BCL2L1: variants seen among roughly 807,000 people sequenced by gnomAD.
The protein encoded by BCL2L1 is bcl-2-like protein 1.
BCL2L1 carries 1 observed loss-of-function variant against 18.7 expected under a neutral mutation model. The ratio of observed to expected loss-of-function variants is 0.05; its 90% confidence interval spans 0.02 to 0.25. BCL2L1 has a LOEUF of 0.25. Ranked by LOEUF, BCL2L1 falls within the 10% of genes least tolerant of loss-of-function variation. BCL2L1 has a pLI of 1.00. For missense variants in BCL2L1, 207 were observed against 304.9 expected (o/e 0.68, Z 2.39); for synonymous variants, 103 against 122.7 (o/e 0.84, Z 1.06).
At chr20:31,723,936 C>T (rs1474879466), upstream of BCL2L1, 4 of 985,440 alleles carry the variant, frequency 4.1e-6, no homozygotes, top group Non-Finnish European at 4.8e-6. Context: ...GGGGAACTTG[C>T]AAGCTCAGTC....
At chr20:31,723,900 C>A (rs560608019), upstream of BCL2L1, 2 of 985,446 alleles carry the variant, frequency 2.0e-6, no homozygotes, top group South Asian at 9.4e-5. Flanking sequence ...CCGAACAAGC[C>A]GGCCTCAGTT....
At chr20:31,700,202 T>C (rs748709785) in intron 2 of BCL2L1, among the ~76,000 whole-genome samples, 3 of 152,214 alleles carry the variant, frequency 2.0e-5, no homozygotes, top group Non-Finnish European at 4.4e-5. Flanking sequence ...GCCTGGCACA[T>C]AGTTGGTGCT....
intron 2 of BCL2L1, among the ~76,000 whole-genome samples, chr20:31,681,766 C>T (rs1456959968): frequency 6.6e-6 from 1 of 152,114 alleles, no homozygotes; most frequent in East Asian, 1.9e-4. Flanking sequence ...GAGAAGAGGC[C>T]CTTGGGGATT....
chr20:31,719,693 T>C (rs917901656), intron 2 of BCL2L1, among the ~76,000 whole-genome samples: 9 of 152,232 alleles, frequency 5.9e-5, no homozygotes, highest in African/African-American at 1.9e-4. Context: ...CCAGAGTTGC[T>C]GTGTCTAAGA....
In BCL2L1 at chr20:31,694,735, G is replaced by A. The variant is rs535815126; in HGVS notation, c.564+26920C>T. Among the ~76,000 whole-genome samples the A allele has an allele frequency of 3.7e-4, 56 of 152,208 alleles. 1 individual carries two copies. Among genetic ancestry groups the A allele is most frequent in the Admixed American group, 3.3e-3 (51 of 15,280 alleles). The stretch of plus-strand genomic sequence containing the variant: ...CCAACTGCCTATCATCTAGACAGTA[G>A]GCTTACATTGAAGGAAACTAAGGCT... On this transcript the variant is annotated intron_variant, in intron 2 of 2. Transcript: ENST00000307677.
chr20:31,720,547 C>G (rs1014128473), intron 2 of BCL2L1: 2 of 985,388 alleles, frequency 2.0e-6, no homozygotes, highest in Non-Finnish European at 2.4e-6. Flanking sequence ...AAGCTTTCAC[C>G]ACCATCTCAT....
At position 31,721,658 on chromosome 20, in the gene BCL2L1, G is replaced by A. The variant is rs1338856622; in HGVS notation, c.561C>T (p.Gly187=). 3 of 1,601,206 alleles carry A rather than the reference G, an allele frequency of 1.9e-6. No homozygotes were observed. The highest frequency in any genetic ancestry group is 2.6e-6 in the Non-Finnish European group (3 of 1,172,412). The change falls in exon 2 of 3, where the codon GGC becomes GGT. Residue 187 remains glycine (G), a synonymous_variant. Coordinates refer to ENST00000307677, the MANE Select transcript of BCL2L1 (RefSeq NM_138578.3). The part of the protein sequence containing the change: ...HLEPWIQENG[G]WDTFVELYGN... Reference sequence around the variant, plus strand: ...ACACAAGGGGCTTGGTTCTTACCCAGCCGCCGTTCTCCTGGATCCAAGGCT... The same window carrying A: ...ACACAAGGGGCTTGGTTCTTACCCAACCGCCGTTCTCCTGGATCCAAGGCT...
intron 2 of BCL2L1, among the ~76,000 whole-genome samples, chr20:31,715,864 C>T (rs2061526485): frequency 6.6e-6 from 1 of 152,120 alleles, no homozygotes; most frequent in Admixed American, 6.5e-5. Context: ...CAGGGTCTTG[C>T]TCTGTCACCC....
At chr20:31,700,243 T>C (rs192016503) in intron 2 of BCL2L1, among the ~76,000 whole-genome samples, 6 of 152,316 alleles carry the variant, frequency 3.9e-5, no homozygotes, top group Non-Finnish European at 7.3e-5. Flanking sequence ...GCCAAATGAA[T>C]AGCACCTGGG....
chr20:31,687,435 G>A (rs917451025), intron 2 of BCL2L1, among the ~76,000 whole-genome samples: 1 of 151,710 alleles, frequency 6.6e-6, no homozygotes, highest in Admixed American at 6.6e-5. Flanking sequence ...CCCAAAGGAA[G>A]GAGGATAACG....
At chr20:31,676,738 A>G (rs375369665) in intron 2 of BCL2L1, among the ~76,000 whole-genome samples, 39 of 152,286 alleles carry the variant, frequency 2.6e-4, no homozygotes, top group South Asian at 1.5e-3. Flanking sequence ...AGAAGGGTGG[A>G]GTGCTGAAGT....
intron 2 of BCL2L1, among the ~76,000 whole-genome samples, chr20:31,667,484 CGTGT>C (rs3073682): frequency 2.4e-4 from 33 of 135,292 alleles, no homozygotes; most frequent in East Asian, 6.1e-4. Context: ...ACCATAGTAC[CGTGT>C]GTGTGTGTGT....
intron 2 of BCL2L1, 140 bp from the exon 3 acceptor site, chr20:31,666,226 G>A: frequency 9.6e-7 from 1 of 1,041,302 alleles, no homozygotes; most frequent in Non-Finnish European, 1.4e-6. Context: ...GCCAGGTAAA[G>A]GGCTAAGGGT....
intron 2 of BCL2L1, among the ~76,000 whole-genome samples, chr20:31,687,676 CA>C (rs60094670): frequency 0.45 from 36,969 of 81,568 alleles, 6,521 homozygotes; most frequent in African/African-American, 0.66. Flanking sequence ...GACTCTGTCT[CA>C]AAAAAAAAAA....
At chr20:31,710,929 G>T (rs1024337544) in intron 2 of BCL2L1, among the ~76,000 whole-genome samples, 1 of 152,188 alleles carries the variant, frequency 6.6e-6, no homozygotes, top group Non-Finnish European at 1.5e-5. Flanking sequence ...GGTAGTCAGG[G>T]TAAAATAAGC....
At chr20:31,687,230 C>T (rs913782717) in intron 2 of BCL2L1, among the ~76,000 whole-genome samples, 2 of 152,164 alleles carry the variant, frequency 1.3e-5, no homozygotes, top group African/African-American at 2.4e-5. Flanking sequence ...CAATAAATAG[C>T]AGCAACTATA....
intron 2 of BCL2L1, 111 bp downstream of exon 2, chr20:31,721,544 A>C: frequency 7.5e-7 from 1 of 1,325,628 alleles, no homozygotes; most frequent in East Asian, 2.4e-5. Flanking sequence ...CTCAACTATC[A>C]ACGTCTCCAA....
intron 2 of BCL2L1, among the ~76,000 whole-genome samples, chr20:31,666,977 A>T (rs1449556891): frequency 6.6e-6 from 1 of 152,186 alleles, no homozygotes; most frequent in Non-Finnish European, 1.5e-5. Flanking sequence ...AACTTTTATG[A>T]GTAAGCGTAG....
At chr20:31,688,799 A>G (rs1431447357) in intron 2 of BCL2L1, among the ~76,000 whole-genome samples, 1 of 152,260 alleles carries the variant, frequency 6.6e-6, no homozygotes, top group East Asian at 1.9e-4. Context: ...GTTAAAGTAT[A>G]GAATAGTGCC....
Sources: gnomAD v4.1 joint callset for allele counts (sites outside exome capture counted in the v4.1 genomes callset) on GRCh38, gnomAD v4.1.1 for gene constraint, MANE v1.5 for transcripts, NCBI Gene and HGNC (gene_info 2026-07-23, HGNC 2026-07-21) for gene names.